Variants in SLIT3 observed in about 807,000 individuals in gnomAD.
SLIT3 encodes slit homolog 3 protein.
In SLIT3, 68 loss-of-function variants were observed where a neutral mutation model predicts 184.0. The observed-to-expected ratio is 0.37, with a 90% CI of 0.30 to 0.45. SLIT3 has a LOEUF of 0.45. Among genes scored for constraint, SLIT3 ranks in the 20% least tolerant of loss-of-function variants. The pLI is 1.00. For missense variants in SLIT3, 1,707 were observed against 2,026.0 expected (o/e 0.84, Z 3.02); for synonymous variants, 831 against 828.6 (o/e 1.00, Z -0.05).
At chr5:168,754,867 T>C (rs1171873859) in intron 16 of SLIT3, among the ~76,000 whole-genome samples, 4 of 152,192 alleles carry the variant, frequency 2.6e-5, no homozygotes, top group Non-Finnish European at 4.4e-5. Flanking sequence ...CTCAAACTTA[T>C]TTTCTGTCTT....
intron 4 of SLIT3, among the ~76,000 whole-genome samples, chr5:169,074,077 G>A (rs1384824398): frequency 2.0e-5 from 3 of 152,168 alleles, no homozygotes; most frequent in Admixed American, 6.5e-5. Flanking sequence ...GACAGCAGCT[G>A]GTTGAACAAG....
intron 4 of SLIT3, among the ~76,000 whole-genome samples, chr5:169,171,295 T>G (rs1762810043): frequency 6.6e-6 from 1 of 152,238 alleles, no homozygotes; most frequent in Non-Finnish European, 1.5e-5. Flanking sequence ...ACCCTCACTC[T>G]TAAGAACCAT....
chr5:168,984,583 C>T (rs373890142), intron 4 of SLIT3, among the ~76,000 whole-genome samples: 25 of 152,292 alleles, frequency 1.6e-4, no homozygotes, highest in African/African-American at 5.3e-4. Flanking sequence ...CAAGGTGAGG[C>T]TGCATGGGGC....
At chr5:169,255,842 C>T (rs973057738) in intron 1 of SLIT3, among the ~76,000 whole-genome samples, 1 of 152,130 alleles carries the variant, frequency 6.6e-6, no homozygotes, top group Non-Finnish European at 1.5e-5. Context: ...GAGATCGCGC[C>T]ACTGCACTCC....
At chr5:169,255,902 T>C (rs1765946632) in intron 1 of SLIT3, among the ~76,000 whole-genome samples, 1 of 152,112 alleles carries the variant, frequency 6.6e-6, no homozygotes, top group Admixed American at 6.5e-5. Flanking sequence ...AGTTATATAG[T>C]AAGCTAAGGT....
At chr5:168,667,793 TAA>T (rs1761104100) in intron 35 of SLIT3, 1 of 152,214 alleles carries the variant, frequency 6.6e-6, no homozygotes, top group Non-Finnish European at 1.5e-5. Flanking sequence ...CAGGTGTTGT[TAA>T]AAGTCTTTAA....
chr5:169,048,865 C>T (rs897212186), intron 4 of SLIT3, among the ~76,000 whole-genome samples: 1 of 152,102 alleles, frequency 6.6e-6, no homozygotes, highest in Admixed American at 6.6e-5. Context: ...AAAAATTCCC[C>T]ACTTAATTAA....
At chr5:169,055,859 A>T (rs1314598418) in intron 4 of SLIT3, among the ~76,000 whole-genome samples, 1 of 151,966 alleles carries the variant, frequency 6.6e-6, no homozygotes, top group Non-Finnish European at 1.5e-5. Context: ...AAAAAGAAAA[A>T]GAAGGAAGTT....
intron 4 of SLIT3, among the ~76,000 whole-genome samples, chr5:168,896,274 T>C (rs1760658777): frequency 6.6e-6 from 1 of 152,148 alleles, no homozygotes; most frequent in Admixed American, 6.5e-5. Flanking sequence ...GGCCTCAGTT[T>C]TTGCATCTGT....
intron 4 of SLIT3, among the ~76,000 whole-genome samples, chr5:169,072,219 C>T (rs1191772232): frequency 6.6e-6 from 1 of 152,080 alleles, no homozygotes; most frequent in Non-Finnish European, 1.5e-5. Flanking sequence ...CAGGGAGCAG[C>T]AGAGAATAAT....
At position 168,661,938 on chromosome 5, in the gene SLIT3, G is replaced by A. The variant is rs1176871451; in HGVS notation, c.*4516C>T. 1.3e-5 allele frequency: 2 copies of A among 152,290 alleles called. No individual in the cohort carries two copies. Among genetic ancestry groups the A allele is most frequent in the South Asian group, 2.1e-4 (1 of 4,830 alleles). 9.4% of individuals were successfully genotyped at this position (152,290 alleles called of 1,614,324 possible). The stretch of plus-strand genomic sequence containing the variant: ...ACCTATCATTGAATTAGAAAAGCAA[G>A]CTTTGCCAAATGCCTGATTATGCCT... On this transcript the variant is annotated 3_prime_UTR_variant, in exon 36 of 36. Coordinates refer to ENST00000519560, the MANE Select transcript of SLIT3 (RefSeq NM_003062.4).
At chr5:168,954,925 T>C (rs532942932) in intron 4 of SLIT3, among the ~76,000 whole-genome samples, 1 of 152,348 alleles carries the variant, frequency 6.6e-6, no homozygotes, top group South Asian at 2.1e-4. Context: ...AACGTGTCTA[T>C]GTGTCAGATT....
At position 169,300,722 on chromosome 5, in the gene SLIT3, C is replaced by T. The variant is rs1416097495; in HGVS notation, c.-13G>A. 3.8e-6 allele frequency: 5 copies of T among 1,313,692 alleles called. No individual in the cohort carries two copies. The South Asian group carries it at 8.4e-5, about 22-fold the overall frequency. The allele number at this position is 1,313,692 out of a possible 1,614,324, so 81.4% of individuals were successfully genotyped here. A position where few individuals can be genotyped will look rare whatever the true frequency, so the allele number is the denominator to read the frequency against. On this transcript the variant is annotated 5_prime_UTR_variant, in exon 1 of 36. Transcript: ENST00000519560. The surrounding 1 kb of genome is among the most constrained non-coding windows in gnomAD (Gnocchi z 4.1). ...ACCCGGGGGCCATGGTGTGCAGGGC[C>T]CCGCTCCTGGAGGAGGCTGCCTCTG...
In SLIT3 at chr5:168,931,254, A is replaced by G. The variant is rs557641397; in HGVS notation, c.414-47918T>C. ...TTCATTTTCCCCTTTATCTTATATT[A>G]TGTATGGACTACCTTTTACCTGGCA... On this transcript the variant is annotated intron_variant, in intron 4 of 35. Coordinates refer to ENST00000519560, the MANE Select transcript of SLIT3 (RefSeq NM_003062.4). 9.2e-5 allele frequency among the ~76,000 whole-genome samples: 14 copies of G among 152,346 alleles called. No individual in the cohort carries two copies. In the East Asian group the frequency reaches 2.7e-3, roughly 29 times the overall value.
chr5:168,925,272 T>C (rs995040058), intron 4 of SLIT3, among the ~76,000 whole-genome samples: 3 of 152,138 alleles, frequency 2.0e-5, no homozygotes, highest in Non-Finnish European at 4.4e-5. Context: ...CTTGCAGGAA[T>C]AGCATTGCAG....
intron 4 of SLIT3, among the ~76,000 whole-genome samples, chr5:168,967,402 C>T (rs1413290328): frequency 1.3e-5 from 2 of 148,670 alleles, no homozygotes; most frequent in African/African-American, 5.0e-5. Flanking sequence ...TTTTTCTAAG[C>T]TGCCTTGCAT....
intron 4 of SLIT3, among the ~76,000 whole-genome samples, chr5:169,169,238 C>A (rs976495110): frequency 6.6e-6 from 1 of 152,122 alleles, no homozygotes; most frequent in African/African-American, 2.4e-5. Flanking sequence ...TCCCCAGATG[C>A]CTTTTCTGAG....
chr5:169,021,918 G>A (rs980570859), intron 4 of SLIT3, among the ~76,000 whole-genome samples: 38 of 150,920 alleles, frequency 2.5e-4, no homozygotes, highest in African/African-American at 7.9e-4. Context: ...TACTAGACAC[G>A]TGTGACTGTG....
intron 4 of SLIT3, among the ~76,000 whole-genome samples, chr5:168,915,966 TTTTC>T (rs1196363307): frequency 1.3e-5 from 2 of 152,210 alleles, no homozygotes; most frequent in South Asian, 2.1e-4. Context: ...AGTGTTATGG[TTTTC>T]TTTTTCTTAT....
Sources: allele counts gnomAD v4.1 joint callset (sites outside exome capture counted in the v4.1 genomes callset), GRCh38; gene constraint gnomAD v4.1.1; non-coding constraint Gnocchi (gnomAD v3.1); transcripts MANE v1.5; gene names NCBI Gene and HGNC (gene_info 2026-07-23, HGNC 2026-07-21).